The following AUTS2 variants were observed in gnomAD, a reference collection of about 807,000 sequenced individuals.
AUTS2 encodes activator of transcription and developmental regulator AUTS2, also known as autism susceptibility gene 2 protein.
Under a neutral mutation model 112.4 loss-of-function variants are expected in AUTS2, and 17 were observed. The observed-to-expected ratio is 0.15, with a 90% CI of 0.10 to 0.23. AUTS2 has a LOEUF of 0.23. AUTS2 is among the 10% of genes least tolerant of loss of function. The pLI, the probability that AUTS2 is intolerant of heterozygous loss-of-function variation, is 1.00. For synonymous variants in AUTS2, 751 were observed against 702.7 expected (o/e 1.07, Z -1.09); for missense variants, 1,510 against 1,701.6 (o/e 0.89, Z 1.98).
At chr7:70,491,387 G>A (rs988753062) in intron 5 of AUTS2, among the ~76,000 whole-genome samples, 2 of 146,986 alleles carry the variant, frequency 1.4e-5, no homozygotes, top group African/African-American at 5.1e-5. Context: ...CTCATGGCAA[G>A]TTAAATGACT....
chr7:69,780,038 C>A (rs1789080939), intron 1 of AUTS2, among the ~76,000 whole-genome samples: 1 of 151,932 alleles, frequency 6.6e-6, no homozygotes, highest in African/African-American at 2.4e-5. Flanking sequence ...TCCATCTTTT[C>A]TAGAGATGGG....
At position 70,320,006 on chromosome 7, in the gene AUTS2, C is replaced by G. The variant is rs1790178071; in HGVS notation, c.661-115746C>G. Among the ~76,000 whole-genome samples the G allele has an allele frequency of 2.6e-5, 4 of 152,290 alleles. No individual in the cohort carries two copies. The South Asian group carries it at 8.3e-4, about 32-fold the overall frequency. On this transcript the variant is annotated intron_variant, in intron 4 of 18. Coordinates refer to ENST00000342771, the MANE Select transcript of AUTS2 (RefSeq NM_015570.4). ...ACTTACTTAGCTATGCATTTTATAC[C>G]ACTGTCCCTGAGCACTTTAATCATT...
intron 4 of AUTS2, among the ~76,000 whole-genome samples, chr7:70,185,353 T>C (rs921464963): frequency 1.4e-5 from 2 of 144,446 alleles, no homozygotes; most frequent in African/African-American, 5.1e-5. Flanking sequence ...GTGATCCTCC[T>C]ACCTTGGCCT....
chr7:70,206,405 C>T (rs756572979), intron 4 of AUTS2, among the ~76,000 whole-genome samples: 1 of 151,920 alleles, frequency 6.6e-6, no homozygotes, highest in African/African-American at 2.4e-5. Context: ...TTTATTGTTA[C>T]ATCTGTTTCC....
chr7:69,970,698 TA>T (rs1797814048), intron 2 of AUTS2, among the ~76,000 whole-genome samples: 5 of 152,206 alleles, frequency 3.3e-5, no homozygotes, highest in Admixed American at 3.3e-4. Context: ...CTCTCCCATC[TA>T]AGCATTCTCA....
At chr7:69,725,672 C>T (rs980179700) in intron 1 of AUTS2, among the ~76,000 whole-genome samples, 2 of 152,036 alleles carry the variant, frequency 1.3e-5, no homozygotes, top group African/African-American at 4.8e-5. Flanking sequence ...AAATGAGGGT[C>T]AGAGTGTAGG....
intron 2 of AUTS2, among the ~76,000 whole-genome samples, chr7:70,094,489 G>T (rs1027763124): frequency 1.3e-5 from 2 of 152,170 alleles, no homozygotes; most frequent in Non-Finnish European, 2.9e-5. Flanking sequence ...TTAAAAACCG[G>T]TCTGTGTCTG....
intron 14 of AUTS2, among the ~76,000 whole-genome samples, chr7:70,780,581 G>A (rs1258845839): frequency 6.6e-6 from 1 of 152,060 alleles, no homozygotes; most frequent in African/African-American, 2.4e-5. Flanking sequence ...TCACCATGTT[G>A]CCCAGGCTGC....
chr7:69,816,753 G>A (rs1790780463), intron 1 of AUTS2, among the ~76,000 whole-genome samples: 2 of 152,212 alleles, frequency 1.3e-5, no homozygotes, highest in African/African-American at 4.8e-5. Context: ...GAGGTTATGA[G>A]TTAGCCAAAG....
chr7:69,995,609 A>C (rs1025049321), intron 2 of AUTS2, among the ~76,000 whole-genome samples: 6 of 152,184 alleles, frequency 3.9e-5, no homozygotes, highest in African/African-American at 1.4e-4. Flanking sequence ...GCAGTATCCC[A>C]GCAGCAGGAT....
chr7:70,511,576 T>A (rs1799194984), intron 5 of AUTS2, among the ~76,000 whole-genome samples: 1 of 131,844 alleles, frequency 7.6e-6, no homozygotes, highest in South Asian at 2.7e-4. Flanking sequence ...TTTTTTTTTT[T>A]TTTTTTTTTT....
intron 1 of AUTS2, among the ~76,000 whole-genome samples, chr7:69,665,800 C>A (rs1562795944): frequency 6.6e-6 from 1 of 151,730 alleles, no homozygotes; most frequent in Non-Finnish European, 1.5e-5. Context: ...TGCCAGAAAT[C>A]AGCTTTACAC....
chr7:70,738,422 T>TTG (rs1554474321), intron 6 of AUTS2, among the ~76,000 whole-genome samples: 18 of 151,604 alleles, frequency 1.2e-4, no homozygotes, highest in African/African-American at 4.4e-4. Flanking sequence ...TTTTTTGTTT[T>TTG]TTTTTTTTTT....
chr7:69,619,763 A>G (rs950304397), intron 1 of AUTS2, among the ~76,000 whole-genome samples: 1 of 152,200 alleles, frequency 6.6e-6, no homozygotes, highest in Non-Finnish European at 1.5e-5. Flanking sequence ...TGGGATAAAA[A>G]CAGTGAACTA....
chr7:70,777,536 A>C (rs1233973538), intron 14 of AUTS2, among the ~76,000 whole-genome samples: 1 of 152,106 alleles, frequency 6.6e-6, no homozygotes, highest in African/African-American at 2.4e-5. Context: ...TAGGGGTCTC[A>C]CTGTGTTGCC....
At chr7:70,043,766 C>T (rs938463287) in intron 2 of AUTS2, among the ~76,000 whole-genome samples, 3 of 151,978 alleles carry the variant, frequency 2.0e-5, no homozygotes, top group African/African-American at 4.8e-5. Flanking sequence ...TGCGCCACCA[C>T]GTGCGTCTAA....
intron 4 of AUTS2, among the ~76,000 whole-genome samples, chr7:70,143,798 T>C (rs910987116): frequency 1.3e-5 from 2 of 151,990 alleles, no homozygotes; most frequent in Non-Finnish European, 2.9e-5. Context: ...TGGAATGGAG[T>C]GGTGAAGCCA....
intron 4 of AUTS2, among the ~76,000 whole-genome samples, chr7:70,277,043 T>G (rs1214026679): frequency 6.6e-6 from 1 of 152,150 alleles, no homozygotes; most frequent in African/African-American, 2.4e-5. Context: ...GAAATATACA[T>G]GGTTTTGTAA....
At position 69,671,486 on chromosome 7, in the gene AUTS2, G is replaced by GTGTGTGTGT. The variant is rs748832261; in HGVS notation, c.309+71524_309+71525insTGTGTGTGT. Among the ~76,000 whole-genome samples the GTGTGTGTGT allele has an allele frequency of 4.8e-3, 661 of 138,604 alleles. 2 individuals are homozygous for GTGTGTGTGT. Among genetic ancestry groups the GTGTGTGTGT allele is most frequent in the Non-Finnish European group, 7.7e-3 (492 of 64,008 alleles). The allele number at this position is 138,604 out of a possible 152,430, so 90.9% of individuals were successfully genotyped here. Reference sequence around the variant, plus strand: ...AAATGTTTTGGCTGCTGCTGCTGCTGGTGTGTGTGTGTGTGTGTGTGTGTG... The same window carrying GTGTGTGTGT: ...AAATGTTTTGGCTGCTGCTGCTGCTGTGTGTGTGTGTGTGTGTGTGTGTGTGTGTGTGTG... On this transcript the variant is annotated intron_variant, in intron 1 of 18. Transcript: ENST00000342771.
Sources: allele counts gnomAD v4.1 joint callset (sites outside exome capture counted in the v4.1 genomes callset), GRCh38; gene constraint gnomAD v4.1.1; transcripts MANE v1.5; gene names NCBI Gene and HGNC (gene_info 2026-07-23, HGNC 2026-07-21).